The following VSTM4 variants were observed in gnomAD, a reference collection of about 807,000 sequenced individuals.
VSTM4 encodes V-set and transmembrane domain containing 4.
In VSTM4, 20 loss-of-function variants were observed where a neutral mutation model predicts 36.4. The observed-to-expected ratio is 0.55, with a 90% CI of 0.39 to 0.80. The LOEUF (loss-of-function observed/expected upper bound fraction) is 0.80, where lower values mean the gene tolerates loss of function less well. VSTM4 is among the 30% of genes least tolerant of loss of function. The pLI is 0.00. For synonymous variants in VSTM4, 182 were observed against 173.9 expected (o/e 1.05, Z -0.37); for missense variants, 392 against 404.5 (o/e 0.97, Z 0.26).
intron 7 of VSTM4, among the ~76,000 whole-genome samples, chr10:49,024,191 A>T (rs1474243640): frequency 6.6e-6 from 1 of 151,230 alleles, no homozygotes; most frequent in African/African-American, 2.5e-5. Flanking sequence ...CCTCAAATAA[A>T]GGCCTGGCAT....
intron 2 of VSTM4, among the ~76,000 whole-genome samples, chr10:49,101,860 T>C (rs4488117): frequency 0.091 from 13,884 of 152,280 alleles, 862 homozygotes; most frequent in South Asian, 0.21. Context: ...AATGATTGGA[T>C]ACAGTTTGGT....
intron 3 of VSTM4, among the ~76,000 whole-genome samples, chr10:49,079,260 G>C (rs1844236419): frequency 6.6e-6 from 1 of 152,084 alleles, no homozygotes; most frequent in Non-Finnish European, 1.5e-5. Flanking sequence ...CTGGAGTGCA[G>C]TGATAAAATC....
At chr10:49,026,133 C>T (rs184198847) in intron 7 of VSTM4, among the ~76,000 whole-genome samples, 75 of 152,310 alleles carry the variant, frequency 4.9e-4, no homozygotes, top group African/African-American at 1.7e-3. Context: ...GAAAAACAAA[C>T]TAGATCTTAA....
intron 5 of VSTM4, among the ~76,000 whole-genome samples, chr10:49,051,999 A>T (rs1212743955): frequency 6.6e-6 from 1 of 152,152 alleles, no homozygotes; most frequent in East Asian, 1.9e-4. Context: ...GCCGATGTTT[A>T]CTTAGCCATT....
chr10:49,044,474 A>C (rs1843570971), intron 7 of VSTM4, among the ~76,000 whole-genome samples: 1 of 151,812 alleles, frequency 6.6e-6, no homozygotes, highest in African/African-American at 2.4e-5. Flanking sequence ...AAAAGAAAGA[A>C]AGAAGAGAAA....
intron 5 of VSTM4, among the ~76,000 whole-genome samples, chr10:49,051,338 C>T (rs957212959): frequency 2.0e-5 from 3 of 151,538 alleles, no homozygotes; most frequent in Non-Finnish European, 2.9e-5. Flanking sequence ...TTTCACTTAG[C>T]AATATGCAAT....
At chr10:49,020,103 A>G (rs555153319) in intron 7 of VSTM4, among the ~76,000 whole-genome samples, 36 of 152,366 alleles carry the variant, frequency 2.4e-4, no homozygotes, top group African/African-American at 8.7e-4. Flanking sequence ...ATGGTCTCTG[A>G]TCAAAAGGGA....
chr10:49,032,023 C>T (rs1843353446), intron 7 of VSTM4, among the ~76,000 whole-genome samples: 1 of 152,130 alleles, frequency 6.6e-6, no homozygotes, highest in African/African-American at 2.4e-5. Flanking sequence ...ACTGTGACGT[C>T]CTCCCCATTG....
rs1368717047 is a variant in VSTM4 at position 49,017,570 on chromosome 10, A to G, written c.*2080T>C. 6.6e-6 allele frequency: 1 copy of G among 152,170 alleles called. No individual in the cohort carries two copies. Among genetic ancestry groups the G allele is most frequent in the African/African-American group, 2.4e-5 (1 of 41,422 alleles). The allele number at this position is 152,170 out of a possible 1,614,324, so 9.4% of individuals were successfully genotyped here. A position where few individuals can be genotyped will look rare whatever the true frequency, so the allele number is the denominator to read the frequency against. On this transcript the variant is annotated 3_prime_UTR_variant, in exon 8 of 8. Transcript: ENST00000332853. ...AATGTGTTCCTGTCCATGCATAATA[A>G]CCCTAAGCTCTCTTTGGATTTAAGT...
intron 4 of VSTM4, among the ~76,000 whole-genome samples, chr10:49,065,283 C>T (rs1843952978): frequency 6.6e-6 from 1 of 152,196 alleles, no homozygotes; most frequent in Non-Finnish European, 1.5e-5. Flanking sequence ...CAGCAAGTGT[C>T]CACTCTGAGG....
At chr10:49,101,963 G>A (rs1219416151) in intron 2 of VSTM4, among the ~76,000 whole-genome samples, 1 of 120,854 alleles carries the variant, frequency 8.3e-6, no homozygotes, top group East Asian at 2.0e-4. Context: ...TAAAATACAT[G>A]TGTGTCTGCG....
chr10:49,026,345 G>T (rs909760661), intron 7 of VSTM4, among the ~76,000 whole-genome samples: 2 of 152,184 alleles, frequency 1.3e-5, no homozygotes, highest in Non-Finnish European at 2.9e-5. Flanking sequence ...GGCAAGAGTT[G>T]TTCCCACCAT....
At chr10:49,110,593 C>T (rs1253420570) in intron 1 of VSTM4, among the ~76,000 whole-genome samples, 1 of 151,774 alleles carries the variant, frequency 6.6e-6, no homozygotes, top group East Asian at 1.9e-4. Flanking sequence ...AAGAATGGGA[C>T]TGTATTTGCA....
intron 5 of VSTM4, among the ~76,000 whole-genome samples, chr10:49,049,965 A>G (rs1322872214): frequency 6.6e-6 from 1 of 152,240 alleles, no homozygotes; most frequent in Non-Finnish European, 1.5e-5. Context: ...TTCTATGGAT[A>G]TCCTTGCACA....
chr10:49,075,861 C>T (rs1220108861), intron 4 of VSTM4, among the ~76,000 whole-genome samples: 4 of 152,180 alleles, frequency 2.6e-5, no homozygotes, highest in African/African-American at 9.7e-5. Flanking sequence ...GCAATAGCAG[C>T]AGGAGATCCA....
At chr10:49,050,410 A>C (rs1159878178) in intron 5 of VSTM4, among the ~76,000 whole-genome samples, 1 of 152,236 alleles carries the variant, frequency 6.6e-6, no homozygotes, top group African/African-American at 2.4e-5. Context: ...CACATGGGTA[A>C]TAAGAGATAG....
intron 7 of VSTM4, among the ~76,000 whole-genome samples, chr10:49,036,344 C>A (rs1843431369): frequency 6.6e-6 from 1 of 152,154 alleles, no homozygotes; most frequent in South Asian, 2.1e-4. Context: ...GTGGTACAAG[C>A]AAAGTTTGTA....
intron 5 of VSTM4, among the ~76,000 whole-genome samples, chr10:49,059,971 AT>A (rs1398646174): frequency 1.1e-4 from 16 of 152,124 alleles, no homozygotes; most frequent in South Asian, 2.1e-4. Context: ...ATGATATGTA[AT>A]TTTTTGTATC....
At chr10:49,106,907 C>T (rs1328491481) in intron 2 of VSTM4, among the ~76,000 whole-genome samples, 1 of 152,236 alleles carries the variant, frequency 6.6e-6, no homozygotes, top group Non-Finnish European at 1.5e-5. Flanking sequence ...CCTGAAAGTG[C>T]CTGCCTGAGA....
Sources: gnomAD v4.1 joint callset for allele counts (sites outside exome capture counted in the v4.1 genomes callset) on GRCh38, gnomAD v4.1.1 for gene constraint, MANE v1.5 for transcripts, NCBI Gene and HGNC (gene_info 2026-07-23, HGNC 2026-07-21) for gene names.